The following PXDNL variants were observed in gnomAD, a reference collection of about 807,000 sequenced individuals.
PXDNL encodes the protein peroxidasin like.
PXDNL carries 145 observed loss-of-function variants against 150.8 expected under a neutral mutation model. That is an observed-to-expected ratio of 0.96 (90% CI 0.84 to 1.10). PXDNL has a LOEUF of 1.10. Among genes scored for constraint, PXDNL ranks in the 50% least tolerant of loss-of-function variants. The pLI, the probability that PXDNL is intolerant of heterozygous loss-of-function variation, is 0.00. For missense variants in PXDNL, 2,087 were observed against 1,873.9 expected (o/e 1.11, Z -2.10); for synonymous variants, 757 against 725.7 (o/e 1.04, Z -0.69).
At chr8:51,520,679 C>T (rs1450493780) in intron 4 of PXDNL, among the ~76,000 whole-genome samples, 2 of 152,124 alleles carry the variant, frequency 1.3e-5, no homozygotes, top group East Asian at 3.9e-4. Flanking sequence ...ACGGGAGACT[C>T]TCCTGCCCTC....
At chr8:51,661,016 T>C (rs1424494954) in intron 1 of PXDNL, among the ~76,000 whole-genome samples, 4 of 152,176 alleles carry the variant, frequency 2.6e-5, no homozygotes, top group Non-Finnish European at 4.4e-5. Flanking sequence ...CTGCCCGGCC[T>C]TGGAGTCAGG....
chr8:51,605,756 C>A (rs377166352), intron 2 of PXDNL, among the ~76,000 whole-genome samples: 2 of 152,148 alleles, frequency 1.3e-5, no homozygotes, highest in Admixed American at 6.5e-5. Context: ...GAGGGCCCTG[C>A]CCTCATGAAT....
chr8:51,396,376 G>C (rs1341816592), intron 17 of PXDNL, among the ~76,000 whole-genome samples: 1 of 152,244 alleles, frequency 6.6e-6, no homozygotes, highest in Non-Finnish European at 1.5e-5. Flanking sequence ...TTCCCGACCA[G>C]AGTGCAGAGC....
At chr8:51,356,633 GCTTTAT>G (rs1373475249) in intron 19 of PXDNL, among the ~76,000 whole-genome samples, 11 of 152,134 alleles carry the variant, frequency 7.2e-5, no homozygotes, top group Middle Eastern at 3.4e-3. Context: ...GAAAATTTTT[GCTTTAT>G]CTTTTATGCT....
intron 8 of PXDNL, among the ~76,000 whole-genome samples, chr8:51,467,245 GA>G (rs1270292526): frequency 6.6e-6 from 1 of 152,122 alleles, no homozygotes; most frequent in East Asian, 1.9e-4. Context: ...GCAACAACTT[GA>G]ATGCAGTTGA....
intron 1 of PXDNL, among the ~76,000 whole-genome samples, chr8:51,741,572 C>A (rs1223452243): frequency 6.6e-6 from 1 of 152,070 alleles, no homozygotes; most frequent in Non-Finnish European, 1.5e-5. Flanking sequence ...AAGAATCAAT[C>A]TAAGAAATGT....
At chr8:51,584,159 C>A (rs975100862) in intron 3 of PXDNL, among the ~76,000 whole-genome samples, 2 of 152,150 alleles carry the variant, frequency 1.3e-5, no homozygotes, top group African/African-American at 4.8e-5. Context: ...TCCTTGATGG[C>A]AAATCTGTAC....
intron 4 of PXDNL, among the ~76,000 whole-genome samples, chr8:51,546,598 G>T (rs1222212888): frequency 1.3e-5 from 2 of 152,194 alleles, no homozygotes; most frequent in African/African-American, 4.8e-5. Flanking sequence ...AATTGCAACT[G>T]AGCATGAACT....
At chr8:51,601,708 G>A (rs569374762) in intron 2 of PXDNL, among the ~76,000 whole-genome samples, 32 of 151,604 alleles carry the variant, frequency 2.1e-4, no homozygotes, top group African/African-American at 3.9e-4. Context: ...CATTTAGAAC[G>A]TGTACATTCA....
chr8:51,694,699 A>C (rs560291300), intron 1 of PXDNL, among the ~76,000 whole-genome samples: 5 of 152,194 alleles, frequency 3.3e-5, no homozygotes, highest in Admixed American at 2.6e-4. Context: ...CAAAGCATTA[A>C]CCTCTCTATT....
At chr8:51,690,078 G>A (rs552251284) in intron 1 of PXDNL, among the ~76,000 whole-genome samples, 173 of 152,192 alleles carry the variant, frequency 1.1e-3, no homozygotes, top group Middle Eastern at 6.8e-3. Flanking sequence ...ATTTTCCTTC[G>A]TGCAAAGACC....
rs144516455 is a variant in PXDNL, at chr8:51,436,207, G to A, written c.1526-9449C>T. The A allele has an allele frequency of 1.2e-5, 6 of 521,582 alleles. No individual in the cohort carries two copies. The East Asian group carries it at 1.6e-4, about 14-fold the overall frequency. 32.3% of individuals were successfully genotyped at this position (521,582 alleles called of 1,614,324 possible). A position where few individuals can be genotyped will look rare whatever the true frequency, so the allele number is the denominator to read the frequency against. The stretch of plus-strand genomic sequence containing the variant: ...GTATCATCCCAAAAGCCAACCATTC[G>A]TGGGCCATGTGTTGACTTTCACCAT... On this transcript the variant is annotated intron_variant, in intron 12 of 22. Transcript: ENST00000356297.
chr8:51,433,947 T>C (rs1007555865), intron 12 of PXDNL, among the ~76,000 whole-genome samples: 1 of 152,190 alleles, frequency 6.6e-6, no homozygotes, highest in Non-Finnish European at 1.5e-5. Flanking sequence ...GAAAATATTT[T>C]AATATTATCT....
chr8:51,646,189 T>A (rs978139303), intron 2 of PXDNL, among the ~76,000 whole-genome samples: 8 of 152,096 alleles, frequency 5.3e-5, no homozygotes, highest in African/African-American at 1.9e-4. Flanking sequence ...GTGACACTGG[T>A]GTCCTTATAA....
At position 51,650,817 on chromosome 8, in the gene PXDNL, T is replaced by C. The variant is rs140739788; in HGVS notation, c.236+3872A>G. ...CAAAGACAAAATGACCTAACTCTTA[T>C]CAGTGGTTTTGCCACAAATCGATCA... On this transcript the variant is annotated intron_variant, in intron 2 of 22. Coordinates refer to ENST00000356297, the MANE Select transcript of PXDNL (RefSeq NM_144651.5). 1.6e-3 allele frequency among the ~76,000 whole-genome samples: 248 copies of C among 152,328 alleles called. 2 individuals carry two copies. Among genetic ancestry groups the C allele is most frequent in the African/African-American group, 5.8e-3 (240 of 41,586 alleles).
intron 4 of PXDNL, among the ~76,000 whole-genome samples, chr8:51,512,807 C>T (rs1051519849): frequency 4.6e-5 from 7 of 152,190 alleles, no homozygotes; most frequent in African/African-American, 1.7e-4. Flanking sequence ...TCCCTCCTCC[C>T]CACCCTGCTT....
chr8:51,391,261 ATGGGATGGC>A (rs1376906863), intron 17 of PXDNL, among the ~76,000 whole-genome samples: 1 of 152,162 alleles, frequency 6.6e-6, no homozygotes, highest in Non-Finnish European at 1.5e-5. Flanking sequence ...ATACCCAGTA[ATGGGATGGC>A]TGGGTCAAAT....
chr8:51,425,719 G>A (rs1324714456), intron 13 of PXDNL, among the ~76,000 whole-genome samples: 2 of 152,044 alleles, frequency 1.3e-5, no homozygotes, highest in Admixed American at 6.5e-5. Context: ...TACTCGGAGA[G>A]GCTGAGGCAG....
intron 1 of PXDNL, among the ~76,000 whole-genome samples, chr8:51,663,786 G>A (rs1020241331): frequency 6.6e-6 from 1 of 152,000 alleles, no homozygotes; most frequent in African/African-American, 2.4e-5. Flanking sequence ...GGGCCACGGT[G>A]GGTGCTGTAA....
Sources: gnomAD v4.1 joint callset for allele counts (sites outside exome capture counted in the v4.1 genomes callset) on GRCh38, gnomAD v4.1.1 for gene constraint, MANE v1.5 for transcripts, NCBI Gene and HGNC (gene_info 2026-07-23, HGNC 2026-07-21) for gene names.